Variants in SDK1 observed in about 807,000 individuals in gnomAD.
SDK1 encodes sidekick cell adhesion molecule 1.
In SDK1, 157 loss-of-function variants were observed where a neutral mutation model predicts 245.5. The ratio of observed to expected loss-of-function variants is 0.64; its 90% CI spans 0.56 to 0.73. SDK1 has a LOEUF of 0.73. SDK1 is among the 30% of genes least tolerant of loss of function. The probability of loss-of-function intolerance (pLI) is 0.00; values close to 1 mark genes in which losing one functional copy is unlikely to be tolerated. For missense variants in SDK1, 3,583 were observed against 3,002.3 expected, an observed-to-expected ratio of 1.19 and a Z score of -4.52; for synonymous variants, 1,647 against 1,278.5, an observed-to-expected ratio of 1.29 and a Z score of -6.15.
chr7:3,986,657 A>T (rs377483457), intron 13 of SDK1, among the ~76,000 whole-genome samples: 13 of 152,138 alleles, frequency 8.5e-5, no homozygotes, highest in African/African-American at 3.1e-4. Context: ...TCAGGAGTTC[A>T]AGACCAACCT....
chr7:3,670,952 GT>G, intron 4 of SDK1, among the ~76,000 whole-genome samples: 1 of 152,142 alleles, frequency 6.6e-6, no homozygotes, highest in East Asian at 1.9e-4. Context: ...TCTATTATTT[GT>G]TCTTACAGCA....
intron 1 of SDK1, among the ~76,000 whole-genome samples, chr7:3,456,776 G>C (rs1036118109): frequency 6.6e-6 from 1 of 152,110 alleles, no homozygotes; most frequent in Non-Finnish European, 1.5e-5. Flanking sequence ...TGACTTTGAA[G>C]TGTCTCTTGG....
chr7:3,998,923 C>T (rs989071334), intron 14 of SDK1, among the ~76,000 whole-genome samples: 1 of 152,106 alleles, frequency 6.6e-6, no homozygotes, highest in Admixed American at 6.6e-5. Flanking sequence ...ACCAGGAAGC[C>T]CAAAGCTAAC....
At chr7:3,454,897 G>T (rs1780625693) in intron 1 of SDK1, among the ~76,000 whole-genome samples, 1 of 152,176 alleles carries the variant, frequency 6.6e-6, no homozygotes, top group African/African-American at 2.4e-5. Context: ...AGTATTATAA[G>T]AAACTGCCAA....
At chr7:3,578,014 G>A (rs1481447002) in intron 1 of SDK1, among the ~76,000 whole-genome samples, 1 of 151,968 alleles carries the variant, frequency 6.6e-6, no homozygotes, top group Non-Finnish European at 1.5e-5. Context: ...TGAGAGAGGT[G>A]GCAATGTTTC....
intron 31 of SDK1, among the ~76,000 whole-genome samples, chr7:4,159,829 C>G (rs572357646): frequency 4.6e-5 from 7 of 152,356 alleles, no homozygotes; most frequent in African/African-American, 1.7e-4. Flanking sequence ...TGACCTTGTA[C>G]AATTTCTAGA....
chr7:3,394,184 TC>T (rs1781833958), intron 1 of SDK1, among the ~76,000 whole-genome samples: 3 of 152,002 alleles, frequency 2.0e-5, no homozygotes, highest in Non-Finnish European at 2.9e-5. Context: ...GGAGTCAGTC[TC>T]TCCTCTACTT....
intron 1 of SDK1, among the ~76,000 whole-genome samples, chr7:3,351,878 C>T (rs1040693231): frequency 2.0e-5 from 3 of 151,954 alleles, no homozygotes; most frequent in African/African-American, 7.3e-5. Context: ...GATCAATGAA[C>T]AAATCTGACC....
chr7:3,979,521 C>T (rs1341574083), intron 13 of SDK1, among the ~76,000 whole-genome samples: 2 of 152,110 alleles, frequency 1.3e-5, no homozygotes, highest in Non-Finnish European at 2.9e-5. Context: ...TCTGGGTAAG[C>T]CTCACTCCAC....
At chr7:4,208,770 C>T (rs6971316) in intron 37 of SDK1, among the ~76,000 whole-genome samples, 1,654 of 152,348 alleles carry the variant, frequency 0.011, 32 homozygotes, top group African/African-American at 0.038. Flanking sequence ...GCTCACTACA[C>T]ACATGCCACG....
chr7:4,170,979 C>A (rs551037632), intron 32 of SDK1, among the ~76,000 whole-genome samples: 1 of 152,350 alleles, frequency 6.6e-6, no homozygotes, highest in South Asian at 2.1e-4. Flanking sequence ...CCTACCTGTT[C>A]CCCTATCCAG....
intron 13 of SDK1, among the ~76,000 whole-genome samples, chr7:3,986,572 A>T (rs751379733): frequency 2.6e-5 from 4 of 152,212 alleles, no homozygotes; most frequent in African/African-American, 4.8e-5. Context: ...TAAATAATGT[A>T]TGTGTAGGCC....
intron 1 of SDK1, among the ~76,000 whole-genome samples, chr7:3,566,007 C>T (rs142758681): frequency 8.0e-4 from 121 of 152,038 alleles, no homozygotes; most frequent in African/African-American, 2.8e-3. Flanking sequence ...CGACTTACAG[C>T]AACGAAAGCA....
chr7:3,984,107 A>G (rs1783633790), intron 13 of SDK1, among the ~76,000 whole-genome samples: 1 of 152,178 alleles, frequency 6.6e-6, no homozygotes, highest in Admixed American at 6.5e-5. Flanking sequence ...TGCTTCGGGT[A>G]GATACTTCTC....
intron 4 of SDK1, among the ~76,000 whole-genome samples, chr7:3,665,578 TAATA>T (rs1292907682): frequency 6.6e-6 from 1 of 152,212 alleles, no homozygotes. Flanking sequence ...CCTGACTAGT[TAATA>T]AATATTTTTA....
chr7:3,542,129 C>A (rs202144912), intron 1 of SDK1, among the ~76,000 whole-genome samples: 2 of 152,100 alleles, frequency 1.3e-5, no homozygotes, highest in East Asian at 1.9e-4. Flanking sequence ...AAGTCATCAG[C>A]GGCAAACCCA....
At chr7:4,210,858 G>A (rs190085463) in intron 38 of SDK1, among the ~76,000 whole-genome samples, 37 of 152,360 alleles carry the variant, frequency 2.4e-4, no homozygotes, top group Admixed American at 1.6e-3. Context: ...CGTGATCAGT[G>A]CTTTGGAGGA....
intron 44 of SDK1, among the ~76,000 whole-genome samples, chr7:4,247,743 C>G (rs1440019224): frequency 6.6e-6 from 1 of 152,224 alleles, no homozygotes; most frequent in Non-Finnish European, 1.5e-5. Context: ...TGAACGTGCA[C>G]TCCTCTGCTG....
chr7:4,257,441 A>G (rs1787703821), intron 44 of SDK1, among the ~76,000 whole-genome samples: 1 of 152,216 alleles, frequency 6.6e-6, no homozygotes, highest in Admixed American at 6.5e-5. Flanking sequence ...CTAACTCACT[A>G]AAATACATCC....
Sources: allele counts gnomAD v4.1 joint callset (sites outside exome capture counted in the v4.1 genomes callset), GRCh38; gene constraint gnomAD v4.1.1; transcripts MANE v1.5; gene names NCBI Gene and HGNC (gene_info 2026-07-23, HGNC 2026-07-21).